The following SLC12A4 variants were observed in gnomAD, a reference collection of about 807,000 sequenced individuals.
The protein encoded by SLC12A4 is electroneutral potassium-chloride cotransporter 1.
A neutral mutation model predicts 119.2 loss-of-function variants in SLC12A4; 84 were observed. That is an observed-to-expected ratio of 0.70 (90% confidence interval 0.59 to 0.85). The LOEUF is 0.85. SLC12A4 is among the 40% of genes least tolerant of loss of function. SLC12A4 has a pLI of 0.00. For missense variants in SLC12A4, 1,298 were observed against 1,476.3 expected (o/e 0.88, Z 1.98); for synonymous variants, 599 against 604.6 (o/e 0.99, Z 0.14).
Position 67,951,085 on chromosome 16 carries a change from C to T in SLC12A4, c.1298-25G>A, listed in dbSNP as rs1399485651. The T allele has an allele frequency of 1.2e-6, 2 of 1,613,816 alleles. No individual in the cohort carries two copies. Among genetic ancestry groups the T allele is most frequent in the Non-Finnish European group, 1.7e-6 (2 of 1,179,936 alleles). ...CCTCCAAAAACAGATGAGACTCCCT[C>T]AGGGGCTCCCCGGGATTGGGGACAG... is the stretch of plus-strand genomic sequence containing the variant. On this transcript the variant is annotated intron_variant, in intron 9 of 23. Coordinates refer to ENST00000316341, the MANE Select transcript of SLC12A4 (RefSeq NM_005072.5). This position sits in a 1 kb window ranked among gnomAD's most constrained non-coding sequence, Gnocchi z 5.2.
intron 3 of SLC12A4, among the ~76,000 whole-genome samples, chr16:67,961,222 T>A (rs909446158): frequency 6.6e-6 from 1 of 152,194 alleles, no homozygotes; most frequent in Non-Finnish European, 1.5e-5. Context: ...TTTCCTTGTC[T>A]GAAAAATGGG....
Position 67,952,277 on chromosome 16 carries a change from T to C in SLC12A4, c.824A>G (p.Lys275Arg), listed in dbSNP as rs1186902167. 3 of 1,613,828 alleles carry C rather than the reference T, an allele frequency of 1.9e-6. No homozygotes were observed. The highest frequency in any genetic ancestry group is 2.2e-5 in the East Asian group (1 of 44,882). ...VVFVGVKYVN[K>R]FASLFLACVI... ...ACAGGCCAGGAAGAGCGAGGCAAAT[T>C]TGTTCACATACTTGACCCCCACAAA... The change falls in exon 7 of 24, where the codon AAA becomes AGA. Residue 275 changes from lysine (K) to arginine (R), a missense_variant. By Grantham distance (26) the Lys-to-Arg change is conservative. Transcript: ENST00000316341.
In SLC12A4 at chr16:67,945,542, G is replaced by A. The variant is rs767125608; in HGVS notation, c.2859C>T (p.Val953=). ...KTEREREAQL[V]KDRHSALRLE... ...GCCGCAGGGCCGAGTGCCGATCCTT[G>A]ACCAGCTGGGCCTGAGGACAATTGC... The change falls in exon 22 of 24, where the codon GTC becomes GTT. Residue 953 remains valine (V), a synonymous_variant. Coordinates refer to ENST00000316341, the MANE Select transcript of SLC12A4 (RefSeq NM_005072.5). The A allele has an allele frequency of 1.8e-5, 29 of 1,613,432 alleles. No homozygotes were observed. The highest frequency in any genetic ancestry group is 2.4e-5 in the Non-Finnish European group (28 of 1,179,808).
At chr16:67,963,317 G>C (rs1223768606) in intron 2 of SLC12A4, 148 bp downstream of exon 2, 9 of 488,600 alleles carry the variant, frequency 1.8e-5, no homozygotes, top group Non-Finnish European at 2.9e-5. Flanking sequence ...AAGGGCCAAG[G>C]GAACTGCAGC....
Position 67,951,945 on chromosome 16 carries a change from TG to T in SLC12A4, c.1009del (p.Gln337SerfsTer26). The part of the protein sequence containing the change: ...AVVDNETVAT[Q>X]LWSFFCHSPN... ...GCTGTGGCAGAAGAAACTCCATAGC[TG>T]GGTGGCCACTGTCTCATTGTCCACT... On this transcript the variant is annotated frameshift_variant, in exon 8 of 24. Coordinates refer to ENST00000316341, the MANE Select transcript of SLC12A4 (RefSeq NM_005072.5). LOFTEE classifies it high-confidence loss of function. This position sits in a 1 kb window ranked among gnomAD's most constrained non-coding sequence, Gnocchi z 5.2. The T allele has an allele frequency of 6.2e-7, 1 of 1,614,020 alleles. No individual in the cohort carries two copies. Among genetic ancestry groups the T allele is most frequent in the South Asian group, 1.1e-5 (1 of 91,078 alleles).
At chr16:67,953,986 C>T in intron 6 of SLC12A4, 1 of 187,988 alleles carries the variant, frequency 5.3e-6, no homozygotes, top group South Asian at 6.4e-5. Flanking sequence ...GTGCAGGGTC[C>T]TGCTGCAGGT....
intron 5 of SLC12A4, among the ~76,000 whole-genome samples, chr16:67,956,114 T>A (rs1440603531): frequency 6.6e-6 from 1 of 151,254 alleles, no homozygotes; most frequent in Admixed American, 6.6e-5. Flanking sequence ...GAGGTGGAGA[T>A]TGCAGTGAGC....
In SLC12A4 at chr16:67,947,917, G is replaced by A. The variant is rs1022563064; in HGVS notation, c.1848-129C>T. On this transcript the variant is annotated intron_variant, in intron 14 of 23. Transcript: ENST00000316341. ...CAGGTGGGTGGTCAGGTCACTGGGT[G>A]TAAGACCTAGGTCCAGTCCCCCGCA... 6.8e-6 allele frequency: 10 copies of A among 1,467,846 alleles called. No homozygotes were observed. The Middle Eastern group carries it at 5.4e-4, about 79-fold the overall frequency. 90.9% of individuals were successfully genotyped at this position (1,467,846 alleles called of 1,614,324 possible).
chr16:67,947,008 G>A lies in SLC12A4; in HGVS notation c.2170C>T (p.Leu724=), dbSNP rs117639598. ...FASQLKAGKG[L]TIVGSVIQGS... ...TGGATGACAGAACCAACAATGGTCA[G>A]GCCCTTGCCAGCCTTGAGCTGGGAG... The change falls in exon 17 of 24, where the codon CTG becomes TTG. Residue 724 remains leucine (L), a synonymous_variant. Coordinates refer to ENST00000316341, the MANE Select transcript of SLC12A4 (RefSeq NM_005072.5). 453 of 1,613,204 alleles carry A rather than the reference G, an allele frequency of 2.8e-4. 3 individuals are homozygous for A. In the East Asian group the frequency reaches 9.6e-3, roughly 34 times the overall value.
rs944594615 is a variant in SLC12A4 at position 67,950,900 on chromosome 16, C to A, written c.1396+62G>T. On this transcript the variant is annotated intron_variant, in intron 10 of 23. Transcript: ENST00000316341. The surrounding 1 kb of genome is among the most constrained non-coding windows in gnomAD (Gnocchi z 4.3). The stretch of plus-strand genomic sequence containing the variant: ...GGTGTCTGTGCATGTGACCTGGCAA[C>A]GTACACAGGCCAAGCGCTTCCCGTC... 1.3e-6 allele frequency: 2 copies of A among 1,560,042 alleles called. No individual in the cohort carries two copies. Among genetic ancestry groups the A allele is most frequent in the Non-Finnish European group, 1.8e-6 (2 of 1,134,706 alleles).
rs2058317266 is a variant in SLC12A4, at chr16:67,944,387, G to A, written c.*453C>T. Reference sequence around the variant, plus strand: ...GGCCTCAGCTCAGCTGTCTCCATTCGGCTCAGCTTGGTGGGGGGCCCTGCC... The same window carrying A: ...GGCCTCAGCTCAGCTGTCTCCATTCAGCTCAGCTTGGTGGGGGGCCCTGCC... On this transcript the variant is annotated 3_prime_UTR_variant, in exon 24 of 24. Transcript: ENST00000316341. This position sits in a 1 kb window ranked among gnomAD's most constrained non-coding sequence, Gnocchi z 6.6. 1.2e-5 allele frequency: 16 copies of A among 1,319,608 alleles called. No homozygotes were observed. The highest frequency in any genetic ancestry group is 4.4e-5 in the African/African-American group (3 of 67,906). The allele number at this position is 1,319,608 out of a possible 1,614,324, so 81.7% of individuals were successfully genotyped here. A position where few individuals can be genotyped will look rare whatever the true frequency, so the allele number is the denominator to read the frequency against.
chr16:67,961,904 C>T (rs1356267442), intron 2 of SLC12A4, among the ~76,000 whole-genome samples, 198 bp from the exon 3 acceptor site: 1 of 152,228 alleles, frequency 6.6e-6, no homozygotes, highest in African/African-American at 2.4e-5. Flanking sequence ...CTCAAAGGCC[C>T]AGCCCCGCGG....
intron 14 of SLC12A4, 118 bp from the exon 15 acceptor site, chr16:67,947,906 G>C (rs1199528106): frequency 2.0e-5 from 30 of 1,485,766 alleles, no homozygotes; most frequent in South Asian, 3.6e-5. Context: ...TGGGTGGTCA[G>C]GTCACTGGGT....
Position 67,944,725 on chromosome 16 carries a change from A to G in SLC12A4, c.*115T>C, listed in dbSNP as rs756789733. The G allele has an allele frequency of 1.3e-6, 2 of 1,483,322 alleles. No individual in the cohort carries two copies. Among genetic ancestry groups the G allele is most frequent in the Non-Finnish European group, 1.8e-6 (2 of 1,117,702 alleles). 91.9% of individuals were successfully genotyped at this position (1,483,322 alleles called of 1,614,324 possible). A position where few individuals can be genotyped will look rare whatever the true frequency, so the allele number is the denominator to read the frequency against. ...GACCTAGCAAAGCTGGGTCCAGGAC[A>G]GGGCCAGGCAAGCAGGGCTGGCAGG... On this transcript the variant is annotated 3_prime_UTR_variant, in exon 24 of 24. Coordinates refer to ENST00000316341, the MANE Select transcript of SLC12A4 (RefSeq NM_005072.5). This position sits in a 1 kb window ranked among gnomAD's most constrained non-coding sequence, Gnocchi z 6.6.
chr16:67,949,587 G>T lies in SLC12A4; in HGVS notation c.1748+213C>A. The stretch of plus-strand genomic sequence containing the variant: ...GGCCACCTGCTCTGGGGGCCTCAGG[G>T]AGGTGTGGACATATTGGTCACCTTA... On this transcript the variant is annotated intron_variant, in intron 13 of 23. Coordinates refer to ENST00000316341, the MANE Select transcript of SLC12A4 (RefSeq NM_005072.5). This position sits in a 1 kb window ranked among gnomAD's most constrained non-coding sequence, Gnocchi z 4.6. 2.1e-6 allele frequency: 1 copy of T among 472,920 alleles called. No homozygotes were observed. Among genetic ancestry groups the T allele is most frequent in the Non-Finnish European group, 3.7e-6 (1 of 269,516 alleles). The allele number at this position is 472,920 out of a possible 1,614,324, so 29.3% of individuals were successfully genotyped here.
intron 1 of SLC12A4, among the ~76,000 whole-genome samples, chr16:67,968,111 T>G (rs1233909096): frequency 6.6e-6 from 1 of 151,888 alleles, no homozygotes; most frequent in Non-Finnish European, 1.5e-5. Context: ...GGGAAGGGCC[T>G]GAGATGGGGT....
rs1256783664 is a variant in SLC12A4 at position 67,963,547 on chromosome 16, T to C, written c.128A>G (p.His43Arg). The change falls in exon 2 of 24, where the codon CAC (histidine) becomes CGC (arginine). Residue 43 changes from histidine to arginine, a missense_variant. Transcript: ENST00000316341. Reference sequence around the variant, plus strand: ...GGAAAGAAAAGGGCTGCTCTCTCTGTGGTTGCCATGTCCTGTGAAGAGAGA... The same window carrying C: ...GGAAAGAAAAGGGCTGCTCTCTCTGCGGTTGCCATGTCCTGTGAAGAGAGA... The part of the protein sequence containing the change: ...ELDDSDGHGN[H>R]RESSPFLSPL... The C allele has an allele frequency of 7.6e-6, 12 of 1,579,866 alleles. No individual in the cohort carries two copies. The highest frequency in any genetic ancestry group is 2.0e-5 in the Admixed American group (1 of 49,352).
At position 67,944,001 on chromosome 16, in the gene SLC12A4, G is replaced by C. The variant is rs121908051; in HGVS notation, c.*839C>G. The stretch of plus-strand genomic sequence containing the variant: ...GAGCTCAGCCTTGGGCGTGGTGTGC[G>C]GGGGGAAGAGCACATTGAGGAGCCA... On this transcript the variant is annotated 3_prime_UTR_variant, in exon 24 of 24. Coordinates refer to ENST00000316341, the MANE Select transcript of SLC12A4 (RefSeq NM_005072.5). The surrounding 1 kb of genome is among the most constrained non-coding windows in gnomAD (Gnocchi z 6.6). The C allele has an allele frequency of 1.3e-6, 2 of 1,548,214 alleles. No individual in the cohort carries two copies. The highest frequency in any genetic ancestry group is 1.7e-6 in the Non-Finnish European group (2 of 1,145,686).
rs1259573198 is a variant in SLC12A4, at chr16:67,950,593, G to C, written c.1454+61C>G. ...CTTAGGACCACCCACGGGGTTGGGA[G>C]CTGGTGTGAGGGCAGGCCAAAGCCC... On this transcript the variant is annotated intron_variant, in intron 11 of 23. Transcript: ENST00000316341. The surrounding 1 kb of genome is among the most constrained non-coding windows in gnomAD (Gnocchi z 4.3). 3 of 1,607,494 alleles carry C rather than the reference G, an allele frequency of 1.9e-6. No homozygotes were observed. In the African/African-American group the frequency reaches 4.0e-5, roughly 22 times the overall value.
Sources: gnomAD v4.1 joint callset for allele counts (sites outside exome capture counted in the v4.1 genomes callset) on GRCh38, gnomAD v4.1.1 for gene constraint, Gnocchi (gnomAD v3.1) non-coding constraint, MANE v1.5 for transcripts, NCBI Gene and HGNC (gene_info 2026-07-23, HGNC 2026-07-21) for gene names.